Variants in ANK1 observed in about 807,000 individuals in gnomAD.
The protein encoded by ANK1 is ankyrin-1.
In ANK1, 51 loss-of-function variants were observed where a neutral mutation model predicts 210.4. The ratio of observed to expected loss-of-function variants is 0.24; its 90% CI spans 0.19 to 0.31. The LOEUF (loss-of-function observed/expected upper bound fraction) is 0.31. ANK1 is among the 10% of genes least tolerant of loss of function. The pLI, the probability that ANK1 is intolerant of heterozygous loss-of-function variation, is 1.00. For synonymous variants in ANK1, 967 were observed against 1,025.9 expected (o/e 0.94, Z 1.10); for missense variants, 2,051 against 2,504.4 (o/e 0.82, Z 3.86).
intron 1 of ANK1, among the ~76,000 whole-genome samples, chr8:41,781,756 C>A (rs377243830): frequency 6.6e-6 from 1 of 152,150 alleles, no homozygotes; most frequent in Non-Finnish European, 1.5e-5. Context: ...AACCAACAGA[C>A]CCCCGACTCA....
intron 1 of ANK1, among the ~76,000 whole-genome samples, chr8:41,895,803 GTCA>G (rs1820369461): frequency 6.6e-6 from 1 of 151,868 alleles, no homozygotes; most frequent in African/African-American, 2.4e-5. Context: ...CCTGAGAAGG[GTCA>G]AGGAAGGGCA....
chr8:41,742,614 A>G (rs1361538168), intron 2 of ANK1, among the ~76,000 whole-genome samples: 1 of 152,208 alleles, frequency 6.6e-6, no homozygotes, highest in African/African-American at 2.4e-5. Flanking sequence ...CACTCGGGAA[A>G]CACAAACTTT....
intron 37 of ANK1, among the ~76,000 whole-genome samples, chr8:41,675,949 A>C (rs1455053629): frequency 2.0e-5 from 3 of 152,108 alleles, no homozygotes; most frequent in Non-Finnish European, 4.4e-5. Flanking sequence ...ATGTATCAAT[A>C]ATTTATTTCT....
At chr8:41,666,078 A>G (rs1810446980) in intron 39 of ANK1, among the ~76,000 whole-genome samples, 1 of 152,300 alleles carries the variant, frequency 6.6e-6, no homozygotes, top group East Asian at 1.9e-4. Flanking sequence ...TAACCCTGCA[A>G]CTCACCTACT....
In ANK1 at chr8:41,717,409, C is replaced by G. The variant is rs191787752; in HGVS notation, c.1305+195G>C. Among the ~76,000 whole-genome samples, 3 of 152,348 alleles carry G rather than the reference C, an allele frequency of 2.0e-5. No homozygotes were observed. In the East Asian group the frequency reaches 5.8e-4, roughly 29 times the overall value. ...AAAATTATTGTCCAAAACAAAGCCT[C>G]CAAGGTTTACGGATGTGTGAGAAAT... On this transcript the variant is annotated intron_variant, in intron 12 of 42. Transcript: ENST00000289734.
chr8:41,832,150 T>C lies in ANK1; in HGVS notation c.126+64205A>G, dbSNP rs557739216. 5.9e-5 allele frequency among the ~76,000 whole-genome samples: 9 copies of C among 152,214 alleles called. No homozygotes were observed. The South Asian group carries it at 1.7e-3, about 28-fold the overall frequency. On this transcript the variant is annotated intron_variant, in intron 1 of 42. Transcript: ENST00000265709. ...TCACAGGACTGAATGAAAAGAGAAG[T>C]GAATTTTACTGCATGTGAATTGTTA...
chr8:41,690,468 C>T lies in ANK1; in HGVS notation c.3984+6G>A, dbSNP rs200402850. 8.1e-6 allele frequency: 13 copies of T among 1,614,096 alleles called. No homozygotes were observed. The highest frequency in any genetic ancestry group is 1.1e-5 in the Non-Finnish European group (13 of 1,180,048). On this transcript the variant is annotated splice_donor_region_variant and intron_variant, in intron 32 of 42. Transcript: ENST00000289734. ...AGAGGAGAACTCAGCCAGAGGGTGCCGGCACCTTTACAGGCATGGCCAGAC... is the reference window on the plus strand; with the variant it reads ...AGAGGAGAACTCAGCCAGAGGGTGCTGGCACCTTTACAGGCATGGCCAGAC...
intron 2 of ANK1, among the ~76,000 whole-genome samples, chr8:41,746,506 G>A (rs1836175802): frequency 6.6e-6 from 1 of 152,154 alleles, no homozygotes; most frequent in South Asian, 2.1e-4. Context: ...CCTCCTGCCT[G>A]GGTAGCGCTT....
At position 41,704,331 on chromosome 8, in the gene ANK1, G is replaced by C. The variant is rs763264778; in HGVS notation, c.2196+43C>G. On this transcript the variant is annotated intron_variant, in intron 19 of 42. Transcript: ENST00000289734. The surrounding 1 kb of genome is among the most constrained non-coding windows in gnomAD (Gnocchi z 4.1). ...TCTGGCTTTACCCTGATGTGGCATG[G>C]AGAAGGGTCAGTGCAGGAGTCGGGG... 6 of 1,570,098 alleles carry C rather than the reference G, an allele frequency of 3.8e-6. No homozygotes were observed. The African/African-American group carries it at 4.1e-5, about 11-fold the overall frequency.
chr8:41,674,699 G>T (rs149198779), intron 37 of ANK1, among the ~76,000 whole-genome samples: 4 of 152,330 alleles, frequency 2.6e-5, no homozygotes, highest in African/African-American at 9.6e-5. Context: ...AATCTCCCAG[G>T]GAAGTTTTCT....
chr8:41,716,978 T>A lies in ANK1; in HGVS notation c.1379A>T (p.Lys460Ile). Residue 460 changes from lysine (K) to isoleucine (I), a missense_variant, in exon 13 of 43, where the codon AAA becomes ATA. Lys to Ile is a moderately radical substitution (Grantham distance 102). Coordinates refer to ENST00000289734, the MANE Select transcript of ANK1 (RefSeq NM_000037.4). ...TEVAKYLLQN[K>I]AKVNAKAKDD... ...CTTGGCCTTGGCATTGACTTTGGCTTTGTTCTGGAGTAAATATTTGGCCAC... is the reference window on the plus strand; with the variant it reads ...CTTGGCCTTGGCATTGACTTTGGCTATGTTCTGGAGTAAATATTTGGCCAC... 6.2e-7 allele frequency: 1 copy of A among 1,614,224 alleles called. No individual in the cohort carries two copies. The highest frequency in any genetic ancestry group is 1.1e-5 in the South Asian group (1 of 91,082).
chr8:41,811,798 G>T (rs905700391), intron 1 of ANK1, among the ~76,000 whole-genome samples: 1 of 152,258 alleles, frequency 6.6e-6, no homozygotes. Flanking sequence ...TATGTGCTCA[G>T]TACATGTAGC....
At chr8:41,780,926 G>A (rs1845181527) in intron 1 of ANK1, among the ~76,000 whole-genome samples, 1 of 151,544 alleles carries the variant, frequency 6.6e-6, no homozygotes, top group South Asian at 2.1e-4. Flanking sequence ...TGGGGGAGAG[G>A]ATGACAAGGA....
intron 1 of ANK1, among the ~76,000 whole-genome samples, chr8:41,764,858 T>C (rs1366394891): frequency 6.6e-6 from 1 of 152,240 alleles, no homozygotes; most frequent in African/African-American, 2.4e-5. Flanking sequence ...ACACACCACA[T>C]AAATTAATTC....
At chr8:41,798,872 C>G (rs1204943409), upstream of ANK1, among the ~76,000 whole-genome samples, 1 of 152,142 alleles carries the variant, frequency 6.6e-6, no homozygotes, top group Non-Finnish European at 1.5e-5. Flanking sequence ...GGTCCCCTGA[C>G]GAGGCCGCCA....
At chr8:41,767,706 G>C (rs1842155793) in intron 1 of ANK1, among the ~76,000 whole-genome samples, 1 of 152,226 alleles carries the variant, frequency 6.6e-6, no homozygotes, top group South Asian at 2.1e-4. Flanking sequence ...TGCAGGTGCC[G>C]GCCGGCGGGC....
At chr8:41,795,377 C>T (rs1196056481) in intron 1 of ANK1, among the ~76,000 whole-genome samples, 3 of 152,090 alleles carry the variant, frequency 2.0e-5, no homozygotes, top group Admixed American at 2.0e-4. Context: ...AGCATGGTGG[C>T]ACGCACTTGT....
intron 1 of ANK1, among the ~76,000 whole-genome samples, chr8:41,865,583 G>T (rs192497438): frequency 5.4e-4 from 82 of 152,182 alleles, no homozygotes; most frequent in African/African-American, 1.9e-3. Flanking sequence ...AGCTGCACAC[G>T]TGTGAATTGG....
chr8:41,737,371 T>G (rs896048510), intron 2 of ANK1, among the ~76,000 whole-genome samples: 4 of 152,194 alleles, frequency 2.6e-5, no homozygotes, highest in Non-Finnish European at 5.9e-5. Flanking sequence ...TATCTTCCCT[T>G]TTCTGGTCTC....
Sources: allele counts gnomAD v4.1 joint callset (sites outside exome capture counted in the v4.1 genomes callset), GRCh38; gene constraint gnomAD v4.1.1; non-coding constraint Gnocchi (gnomAD v3.1); transcripts MANE v1.5; gene names NCBI Gene and HGNC (gene_info 2026-07-23, HGNC 2026-07-21).